The following IMMP2L variants were observed in gnomAD, a reference collection of about 807,000 sequenced individuals.
IMMP2L encodes the protein mitochondrial inner membrane protease subunit 2.
IMMP2L carries 18 observed loss-of-function variants against 19.3 expected under a neutral mutation model. The ratio of observed to expected loss-of-function variants is 0.93; its 90% CI spans 0.64 to 1.38. IMMP2L has a LOEUF of 1.38. Among genes scored for constraint, IMMP2L ranks in the 40% most tolerant of loss-of-function variants. IMMP2L has a pLI of 0.00. For missense variants in IMMP2L, 233 were observed against 218.2 expected, an observed-to-expected ratio of 1.07 and a Z score of -0.43; for synonymous variants, 76 against 73.0, an observed-to-expected ratio of 1.04 and a Z score of -0.21.
At chr7:111,146,440 T>C (rs17158373) in intron 3 of IMMP2L, among the ~76,000 whole-genome samples, 9,465 of 152,138 alleles carry the variant, frequency 0.062, 340 homozygotes, top group African/African-American at 0.081. Flanking sequence ...AGCATACTTA[T>C]AGGGAGTACA....
At chr7:111,447,785 C>A (rs1425695024) in intron 3 of IMMP2L, among the ~76,000 whole-genome samples, 11 of 151,696 alleles carry the variant, frequency 7.3e-5, no homozygotes, top group Admixed American at 7.2e-4. Flanking sequence ...GAGTCAAGAC[C>A]CATCAGTGTG....
At chr7:111,069,627 T>C in intron 3 of IMMP2L, among the ~76,000 whole-genome samples, 1 of 152,182 alleles carries the variant, frequency 6.6e-6, no homozygotes, top group East Asian at 1.9e-4. Context: ...GATATACATG[T>C]AGATACACAA....
intron 3 of IMMP2L, among the ~76,000 whole-genome samples, chr7:111,251,529 A>G (rs1350949356): frequency 6.6e-6 from 1 of 152,166 alleles, no homozygotes; most frequent in African/African-American, 2.4e-5. Context: ...CAGACTGGAT[A>G]AAGAAAATGT....
chr7:110,865,211 T>C (rs1053789849), intron 5 of IMMP2L, among the ~76,000 whole-genome samples: 1 of 152,026 alleles, frequency 6.6e-6, no homozygotes, highest in Admixed American at 6.6e-5. Context: ...TGCTTATTCA[T>C]TCATTGTTGG....
intron 3 of IMMP2L, among the ~76,000 whole-genome samples, chr7:111,285,573 A>G (rs891628876): frequency 6.6e-6 from 1 of 152,168 alleles, no homozygotes; most frequent in African/African-American, 2.4e-5. Context: ...AATTACATAA[A>G]TGCTCATGCA....
At chr7:110,815,852 T>C (rs1802458142) in intron 5 of IMMP2L, among the ~76,000 whole-genome samples, 1 of 152,172 alleles carries the variant, frequency 6.6e-6, no homozygotes, top group Admixed American at 6.6e-5. Context: ...TTGATTCTTC[T>C]CTCTTTTCTT....
intron 5 of IMMP2L, among the ~76,000 whole-genome samples, chr7:110,706,332 G>A (rs1378275516): frequency 6.6e-6 from 1 of 152,090 alleles, no homozygotes; most frequent in African/African-American, 2.4e-5. Flanking sequence ...TTGAACTCCA[G>A]GGCCCCAGCA....
chr7:110,761,346 G>T (rs942458778), intron 5 of IMMP2L, among the ~76,000 whole-genome samples: 2 of 152,090 alleles, frequency 1.3e-5, no homozygotes, highest in African/African-American at 4.8e-5. Context: ...AATGATCAAT[G>T]ATGTCCTTTC....
chr7:110,696,548 T>G (rs1013186930), intron 5 of IMMP2L, among the ~76,000 whole-genome samples: 1 of 149,480 alleles, frequency 6.7e-6, no homozygotes, highest in African/African-American at 2.5e-5. Flanking sequence ...TGCCTCAGCC[T>G]CCTGAGTAGG....
At chr7:111,248,723 T>G in intron 3 of IMMP2L, among the ~76,000 whole-genome samples, 1 of 10,254 alleles carries the variant, frequency 9.8e-5, no homozygotes, top group Non-Finnish European at 1.5e-4. Context: ...TTCTGGTTGT[T>G]AGTTTTCCTT....
At chr7:110,874,400 T>G (rs1341041348) in intron 5 of IMMP2L, among the ~76,000 whole-genome samples, 1 of 151,984 alleles carries the variant, frequency 6.6e-6, no homozygotes, top group African/African-American at 2.4e-5. Flanking sequence ...AAATTTACTT[T>G]GATGTGACAA....
chr7:111,415,355 G>A (rs1435604031), intron 3 of IMMP2L, among the ~76,000 whole-genome samples: 2 of 151,742 alleles, frequency 1.3e-5, no homozygotes, highest in African/African-American at 2.4e-5. Flanking sequence ...TTATAGCCCA[G>A]GGGAGACCTT....
intron 5 of IMMP2L, among the ~76,000 whole-genome samples, chr7:110,706,652 C>T (rs1197165845): frequency 6.6e-6 from 1 of 152,062 alleles, no homozygotes; most frequent in South Asian, 2.1e-4. Flanking sequence ...TGTATGTCTT[C>T]TTTCAAGAAG....
chr7:111,517,207 A>C (rs1845946077), intron 2 of IMMP2L, among the ~76,000 whole-genome samples: 1 of 152,046 alleles, frequency 6.6e-6, no homozygotes, highest in Non-Finnish European at 1.5e-5. Context: ...CAGGTAGCTG[A>C]AAGTCAAGAC....
At chr7:110,735,602 C>T (rs11973860) in intron 5 of IMMP2L, among the ~76,000 whole-genome samples, 1 of 149,750 alleles carries the variant, frequency 6.7e-6, no homozygotes, top group African/African-American at 2.5e-5. Flanking sequence ...CAAGGACAGC[C>T]TGGGCAACAT....
chr7:111,236,728 G>C (rs543474749), intron 3 of IMMP2L, among the ~76,000 whole-genome samples: 83 of 152,108 alleles, frequency 5.5e-4, no homozygotes, highest in Non-Finnish European at 7.1e-4. Context: ...ACTCTGTCTC[G>C]TCAACCCTAG....
chr7:111,502,640 C>T (rs201610993), intron 2 of IMMP2L, among the ~76,000 whole-genome samples: 1 of 151,632 alleles, frequency 6.6e-6, no homozygotes, highest in African/African-American at 2.4e-5. Flanking sequence ...ACAGTGCAAT[C>T]AAACTAGAAC....
At chr7:111,422,216 T>C (rs1657024930) in intron 3 of IMMP2L, among the ~76,000 whole-genome samples, 1 of 151,922 alleles carries the variant, frequency 6.6e-6, no homozygotes, top group South Asian at 2.1e-4. Flanking sequence ...GGCTCTTTTT[T>C]GGTTCCATAG....
chr7:111,056,925 A>C (rs997602899), intron 3 of IMMP2L, among the ~76,000 whole-genome samples: 2 of 152,156 alleles, frequency 1.3e-5, no homozygotes, highest in Admixed American at 6.5e-5. Flanking sequence ...ATATAAATGC[A>C]GTTCAGCCCT....
Sources: allele counts gnomAD v4.1 joint callset (sites outside exome capture counted in the v4.1 genomes callset), GRCh38; gene constraint gnomAD v4.1.1; transcripts MANE v1.5; gene names NCBI Gene and HGNC (gene_info 2026-07-23, HGNC 2026-07-21).